Variants in CDKN2B-AS1 observed in about 807,000 individuals in gnomAD.
CDKN2B-AS1 encodes CDKN2B and CDKN2A antisense cis and trans regulatory RNA 1.
At chr9:22,073,356 C>A (rs763358895) in intron 4 of CDKN2B-AS1, among the ~76,000 whole-genome samples, 1 of 152,088 alleles carries the variant, frequency 6.6e-6, no homozygotes, top group Non-Finnish European at 1.5e-5. Flanking sequence ...CTGACCCCTG[C>A]AAAATATTTC....
chr9:22,034,637 A>T (rs982923582), intron 1 of CDKN2B-AS1, among the ~76,000 whole-genome samples: 2 of 152,134 alleles, frequency 1.3e-5, no homozygotes, highest in Non-Finnish European at 2.9e-5. Context: ...TATCATACTC[A>T]ATCTTCTAAA....
chr9:22,039,332 C>T lies in CDKN2B-AS1; in HGVS notation n.30-7419C>T, dbSNP rs576306474. 6.6e-6 allele frequency among the ~76,000 whole-genome samples: 1 copy of T among 152,086 alleles called. No homozygotes were observed. Among genetic ancestry groups the T allele is most frequent in the East Asian group, 1.9e-4 (1 of 5,164 alleles). On this transcript the variant is annotated intron_variant and non_coding_transcript_variant, in intron 1 of 4. Transcript: ENST00000650946. The surrounding 1 kb of genome is among the most constrained non-coding windows in gnomAD (Gnocchi z 4.4). ...GGACCACCTCAAATCCCTCAGTAGT[C>T]CTGTCTTTATGAAACCAGTATAATT...
intron 4 of CDKN2B-AS1, among the ~76,000 whole-genome samples, chr9:22,078,767 A>G (rs1824587418): frequency 6.6e-6 from 1 of 152,238 alleles, no homozygotes; most frequent in Non-Finnish European, 1.5e-5. Context: ...TTAGGAGTAA[A>G]ATATACATCT....
intron 4 of CDKN2B-AS1, among the ~76,000 whole-genome samples, chr9:22,081,954 T>A (rs944763713): frequency 4.6e-5 from 7 of 152,218 alleles, no homozygotes; most frequent in Non-Finnish European, 7.3e-5. Flanking sequence ...CCCCAGCCTG[T>A]GGCTGGGGTC....
At chr9:22,057,160 T>C (rs1823606528) in intron 4 of CDKN2B-AS1, among the ~76,000 whole-genome samples, 1 of 152,156 alleles carries the variant, frequency 6.6e-6, no homozygotes, top group Admixed American at 6.5e-5. Context: ...ATTTTTAAAA[T>C]ATTAATTTTA....
intron 1 of CDKN2B-AS1, among the ~76,000 whole-genome samples, chr9:22,007,252 C>G (rs1384410716): frequency 6.6e-6 from 1 of 152,106 alleles, no homozygotes; most frequent in Non-Finnish European, 1.5e-5. Flanking sequence ...GTCCCAGCAA[C>G]TCAGGAGGCT....
rs1372489938 is a variant in CDKN2B-AS1 at position 22,052,393 on chromosome 9, A to T, written n.302+3165A>T. Among the ~76,000 whole-genome samples the T allele has an allele frequency of 2.6e-5, 4 of 152,214 alleles. No homozygotes were observed. The East Asian group carries it at 7.7e-4, about 29-fold the overall frequency. On this transcript the variant is annotated intron_variant and non_coding_transcript_variant, in intron 3 of 4. Transcript: ENST00000650946. ...AGAGTAATGTAGTGCTTAAAAAAGG[A>T]CAATGATAACACGTTTCTACAAAGA...
intron 1 of CDKN2B-AS1, among the ~76,000 whole-genome samples, chr9:22,016,977 C>G (rs1821791381): frequency 6.6e-6 from 1 of 152,156 alleles, no homozygotes; most frequent in South Asian, 2.1e-4. Context: ...ATTAGTGAAT[C>G]TTTTTGACAT....
intron 4 of CDKN2B-AS1, among the ~76,000 whole-genome samples, chr9:22,059,551 T>C (rs1275636673): frequency 6.6e-6 from 1 of 152,072 alleles, no homozygotes; most frequent in Admixed American, 6.5e-5. Flanking sequence ...TGGTGTTGAG[T>C]GTCTGTGGCT....
chr9:22,007,077 G>C (rs535290110), intron 1 of CDKN2B-AS1, among the ~76,000 whole-genome samples: 76 of 152,252 alleles, frequency 5.0e-4, no homozygotes, highest in Non-Finnish European at 9.4e-4. Flanking sequence ...AAAAGAGCTT[G>C]GGCCAGGCCC....
intron 4 of CDKN2B-AS1, chr9:22,066,319 G>A (rs534850369): frequency 3.7e-4 from 56 of 151,902 alleles, no homozygotes; most frequent in Non-Finnish European, 6.0e-4. Flanking sequence ...GCTCAAACCT[G>A]AGCAGCTGGG....
intron 1 of CDKN2B-AS1, among the ~76,000 whole-genome samples, chr9:22,029,183 C>T (rs2131241733): frequency 6.6e-6 from 1 of 152,198 alleles, no homozygotes; most frequent in South Asian, 2.1e-4. Context: ...CAAAGGGTGA[C>T]AAAACCATTG....
intron 1 of CDKN2B-AS1, chr9:22,030,992 T>C (rs1188658966): frequency 6.6e-6 from 1 of 152,206 alleles, no homozygotes; most frequent in Non-Finnish European, 1.5e-5. Flanking sequence ...TATGTTTGTT[T>C]AGCTTCTTAA....
rs1042844281 is a variant in CDKN2B-AS1, at chr9:22,005,876, C to T, written n.29+10715C>T. The T allele has an allele frequency of 2.0e-5, 29 of 1,421,980 alleles. No homozygotes were observed. The highest frequency in any genetic ancestry group is 2.4e-5 in the Non-Finnish European group (25 of 1,044,640). 88.1% of individuals were successfully genotyped at this position (1,421,980 alleles called of 1,614,324 possible). ...TGTGAGTCTCAGACAGGCTTGCAGG[C>T]TTACAGGCTTTCCGCCGCTCCCCGT... On this transcript the variant is annotated intron_variant and non_coding_transcript_variant, in intron 1 of 4. Transcript: ENST00000650946. This position sits in a 1 kb window ranked among gnomAD's most constrained non-coding sequence, Gnocchi z 4.9.
chr9:21,994,827 C>T (rs1408127011), upstream of CDKN2B-AS1: 3 of 167,716 alleles, frequency 1.8e-5, no homozygotes, highest in Non-Finnish European at 3.8e-5. Context: ...CTACCAGGAA[C>T]AGCCGCGCTC....
At chr9:22,091,507 C>T (rs1325200622) in intron 4 of CDKN2B-AS1, among the ~76,000 whole-genome samples, 7 of 152,098 alleles carry the variant, frequency 4.6e-5, no homozygotes, top group Admixed American at 2.6e-4. Flanking sequence ...TTTCATTGAG[C>T]AGTGGTTTGT....
Position 22,006,382 on chromosome 9 carries a change from C to G in CDKN2B-AS1, n.29+11221C>G. ...TCACCCAGTGCAGAGGTGTTCAGGT[C>G]TCTGATGTCTGGTGTTTCTTCATTT... On this transcript the variant is annotated intron_variant and non_coding_transcript_variant, in intron 1 of 4. Transcript: ENST00000650946. The surrounding 1 kb of genome is among the most constrained non-coding windows in gnomAD (Gnocchi z 6.4). 1.7e-6 allele frequency: 2 copies of G among 1,200,714 alleles called. No individual in the cohort carries two copies. Among genetic ancestry groups the G allele is most frequent in the Non-Finnish European group, 2.4e-6 (2 of 846,498 alleles). 74.4% of individuals were successfully genotyped at this position (1,200,714 alleles called of 1,614,324 possible).
intron 3 of CDKN2B-AS1, among the ~76,000 whole-genome samples, chr9:22,051,496 GA>G (rs979721079): frequency 6.6e-6 from 1 of 152,134 alleles, no homozygotes; most frequent in African/African-American, 2.4e-5. Context: ...AGGTTTTTGT[GA>G]AAGGACTTGC....
chr9:22,055,580 T>TA (rs1563950690), intron 3 of CDKN2B-AS1, among the ~76,000 whole-genome samples: 3 of 152,322 alleles, frequency 2.0e-5, no homozygotes, highest in South Asian at 4.1e-4. Flanking sequence ...ACAGTCTTTT[T>TA]AAAAAATATA....
Sources: gnomAD v4.1 joint callset for allele counts (sites outside exome capture counted in the v4.1 genomes callset) on GRCh38, gnomAD v4.1.1 for gene constraint, Gnocchi (gnomAD v3.1) non-coding constraint, MANE v1.5 for transcripts, NCBI Gene and HGNC (gene_info 2026-07-23, HGNC 2026-07-21) for gene names.